DCTN6: variants seen among roughly 807,000 people sequenced by gnomAD.
The protein encoded by DCTN6 is dynactin subunit 6.
A neutral mutation model predicts 25.8 loss-of-function variants in DCTN6; 15 were observed. That is an observed-to-expected ratio of 0.58 (90% confidence interval 0.39 to 0.89). DCTN6 has a LOEUF of 0.89. DCTN6 is among the 40% of genes least tolerant of loss of function. DCTN6 has a pLI of 0.00. For synonymous variants in DCTN6, 64 were observed against 78.3 expected (o/e 0.82, Z 0.96); for missense variants, 198 against 237.6 (o/e 0.83, Z 1.09).
intron 2 of DCTN6, among the ~76,000 whole-genome samples, chr8:30,171,261 C>T (rs1585502540): frequency 6.7e-6 from 1 of 149,804 alleles, no homozygotes; most frequent in Non-Finnish European, 1.5e-5. Flanking sequence ...TTTTTTTTTT[C>T]CCCTCAGAGA....
chr8:30,167,051 G>C (rs560940655), intron 2 of DCTN6, among the ~76,000 whole-genome samples: 2 of 150,322 alleles, frequency 1.3e-5, no homozygotes, highest in African/African-American at 2.5e-5. Context: ...AGGGAGGAAA[G>C]GAAGGAAGGG....
chr8:30,169,975 C>G (rs779979811), intron 2 of DCTN6, among the ~76,000 whole-genome samples: 4 of 152,120 alleles, frequency 2.6e-5, no homozygotes, highest in African/African-American at 9.7e-5. Context: ...GAGTTTGAGA[C>G]CAGCCTGGGC....
Position 30,175,180 on chromosome 8 carries a change from A to T in DCTN6, c.184A>T (p.Ile62Phe). ...EGNLIEEQAL[I>F]INAYPDNITP... ...GAACCTAATAGAAGAACAGGCCCTTATCATAAATGCGTAAGACTCTTATAC... is the reference window on the plus strand; with the variant it reads ...GAACCTAATAGAAGAACAGGCCCTTTTCATAAATGCGTAAGACTCTTATAC... Residue 62 changes from isoleucine to phenylalanine, a missense_variant, in exon 3 of 7, where the codon ATC (isoleucine) becomes TTC (phenylalanine). Ile to Phe is a conservative substitution (Grantham distance 21). Transcript: ENST00000221114. 1 of 1,613,804 alleles carries T rather than the reference A, an allele frequency of 6.2e-7. No individual in the cohort carries two copies. The highest frequency in any genetic ancestry group is 8.5e-7 in the Non-Finnish European group (1 of 1,179,808).
At chr8:30,177,003 A>G (rs1324464163) in intron 3 of DCTN6, 123 bp from the exon 4 acceptor site, 6 of 668,716 alleles carry the variant, frequency 9.0e-6, no homozygotes, top group Non-Finnish European at 7.8e-6. Flanking sequence ...AATAACTTAT[A>G]TAGTCATGTC....
rs768937093 is a variant in DCTN6, at chr8:30,177,224, A to G, written c.283+10A>G. 1.0e-5 allele frequency: 16 copies of G among 1,601,342 alleles called. No homozygotes were observed. The highest frequency in any genetic ancestry group is 8.0e-5 in the African/African-American group (6 of 74,544). ...TTTGAAGTTGGCTGTTGTATCCTTT[A>G]CAATAATCTACCATAAATAATTCCT... is the stretch of plus-strand genomic sequence containing the variant. On this transcript the variant is annotated intron_variant, in intron 4 of 6. Transcript: ENST00000221114.
chr8:30,164,082 T>G lies in DCTN6; in HGVS notation c.24-29T>G, dbSNP rs764726089. On this transcript the variant is annotated intron_variant, in intron 1 of 6. Transcript: ENST00000221114. ...CCAACAGTATGTTTAATCTTACCCCTGGTAAATGTTACCTTTTTCTTGCTA... is the reference window on the plus strand; with the variant it reads ...CCAACAGTATGTTTAATCTTACCCCGGGTAAATGTTACCTTTTTCTTGCTA... 8 of 1,585,632 alleles carry G rather than the reference T, an allele frequency of 5.0e-6. No individual in the cohort carries two copies. The South Asian group carries it at 8.8e-5, about 18-fold the overall frequency.
At chr8:30,157,837 A>AT (rs1426007475) in intron 1 of DCTN6, among the ~76,000 whole-genome samples, 1 of 152,130 alleles carries the variant, frequency 6.6e-6, no homozygotes. Context: ...TAAAATGTAG[A>AT]TTTTTCTTCC....
chr8:30,172,036 T>C (rs1406662226), intron 2 of DCTN6, among the ~76,000 whole-genome samples: 1 of 152,144 alleles, frequency 6.6e-6, no homozygotes, highest in Non-Finnish European at 1.5e-5. Context: ...TTGTGTCCTG[T>C]TATCATAGAA....
intron 1 of DCTN6, among the ~76,000 whole-genome samples, chr8:30,161,571 C>T (rs1381485647): frequency 6.6e-6 from 1 of 152,098 alleles, no homozygotes; most frequent in Non-Finnish European, 1.5e-5. Context: ...GCTGATCCTG[C>T]TTTTCCTCCC....
intron 1 of DCTN6, among the ~76,000 whole-genome samples, chr8:30,163,763 C>T (rs929543712): frequency 2.7e-5 from 4 of 149,136 alleles, no homozygotes; most frequent in Non-Finnish European, 4.4e-5. Flanking sequence ...AGTGCAATGG[C>T]GCGATCTCGG....
At chr8:30,177,980 G>A (rs1373331236) in intron 4 of DCTN6, among the ~76,000 whole-genome samples, 3 of 152,188 alleles carry the variant, frequency 2.0e-5, no homozygotes, top group African/African-American at 7.2e-5. Flanking sequence ...AAGCAGCAAT[G>A]CTGGCTTCCT....
At position 30,180,526 on chromosome 8, in the gene DCTN6, A is replaced by G; in HGVS notation, c.370A>G (p.Ile124Val). ...GRNVILTSGC[I>V]IGACCNLNTF... ...AAATGTAATATTGACAAGTGGCTGC[A>G]TCATTGGGGCTTGTTGCAACCTAAA... The change falls in exon 6 of 7, where the codon ATC becomes GTC. Residue 124 changes from isoleucine to valine, a missense_variant. Coordinates refer to ENST00000221114, the MANE Select transcript of DCTN6 (RefSeq NM_006571.4). 2.5e-6 allele frequency: 4 copies of G among 1,614,000 alleles called. No homozygotes were observed. Among genetic ancestry groups the G allele is most frequent in the Non-Finnish European group, 3.4e-6 (4 of 1,179,952 alleles).
rs79796502 is a variant in DCTN6 at position 30,174,002 on chromosome 8, G to T, written c.89-1083G>T. Among the ~76,000 whole-genome samples, 1,039 of 152,306 alleles carry T rather than the reference G, an allele frequency of 6.8e-3. 17 individuals are homozygous for T. Among genetic ancestry groups the T allele is most frequent in the African/African-American group, 0.024 (993 of 41,558 alleles). On this transcript the variant is annotated intron_variant, in intron 2 of 6. Coordinates refer to ENST00000221114, the MANE Select transcript of DCTN6 (RefSeq NM_006571.4). ...GCCTGTGGTAGATAAAGCTGGGAGG[G>T]AGTATGTTAGCATTCCAGGCTCAGG...
Position 30,183,062 on chromosome 8 carries a change from C to G in DCTN6, c.475-13C>G. 1 of 1,613,038 alleles carries G rather than the reference C, an allele frequency of 6.2e-7. No individual in the cohort carries two copies. The highest frequency in any genetic ancestry group is 8.5e-7 in the Non-Finnish European group (1 of 1,179,196). On this transcript the variant is annotated splice_polypyrimidine_tract_variant and intron_variant, in intron 6 of 6. Coordinates refer to ENST00000221114, the MANE Select transcript of DCTN6 (RefSeq NM_006571.4). The stretch of plus-strand genomic sequence containing the variant: ...CTTTCTGCCAATCGGCCTTAATTAC[C>G]TTATCTTTTTAGCCCCAGACACTAC...
intron 5 of DCTN6, 138 bp downstream of exon 5, chr8:30,179,593 T>C (rs1306538961): frequency 6.4e-6 from 4 of 629,594 alleles, no homozygotes; most frequent in Non-Finnish European, 1.1e-5. Context: ...ACTAATTGTT[T>C]GCCACTAAGG....
chr8:30,170,911 A>G (rs1803754516), intron 2 of DCTN6, among the ~76,000 whole-genome samples: 4 of 152,180 alleles, frequency 2.6e-5, no homozygotes, highest in Admixed American at 2.0e-4. Context: ...CTGGGATTAC[A>G]GATGTGAGCT....
At chr8:30,178,220 T>C (rs1213838720) in intron 4 of DCTN6, among the ~76,000 whole-genome samples, 2 of 152,072 alleles carry the variant, frequency 1.3e-5, no homozygotes, top group Admixed American at 6.5e-5. Context: ...TCCCAGCATT[T>C]TGGGAGGCCG....
At chr8:30,156,672 T>G (rs1373064124) in intron 1 of DCTN6, among the ~76,000 whole-genome samples, 1 of 150,526 alleles carries the variant, frequency 6.6e-6, no homozygotes, top group East Asian at 2.0e-4. Context: ...AGAGGGGGTC[T>G]CCCGGCCGGG....
Position 30,180,801 on chromosome 8 carries a change from G to A in DCTN6, c.474+171G>A, listed in dbSNP as rs181163440. ...AATTCTAGCACTTTGGGAGGCCGAG[G>A]CAGGAGGATGACTTGAGGGCAGGAA... On this transcript the variant is annotated intron_variant, in intron 6 of 6. Transcript: ENST00000221114. 11 of 770,290 alleles carry A rather than the reference G, an allele frequency of 1.4e-5. No individual in the cohort carries two copies. The Admixed American group carries it at 3.0e-4, about 21-fold the overall frequency. 47.7% of individuals were successfully genotyped at this position (770,290 alleles called of 1,614,324 possible).
Sources: gnomAD v4.1 joint callset for allele counts (sites outside exome capture counted in the v4.1 genomes callset) on GRCh38, gnomAD v4.1.1 for gene constraint, MANE v1.5 for transcripts, NCBI Gene and HGNC (gene_info 2026-07-23, HGNC 2026-07-21) for gene names.